The following CAMK1G variants were observed in gnomAD, a reference collection of about 807,000 sequenced individuals.
CAMK1G encodes the protein calcium/calmodulin dependent protein kinase IG.
CAMK1G carries 27 observed loss-of-function variants against 54.8 expected under a neutral mutation model. The observed-to-expected ratio is 0.49, with a 90% CI of 0.36 to 0.68. The LOEUF (loss-of-function observed/expected upper bound fraction) is 0.68, where lower values mean the gene tolerates loss of function less well. CAMK1G is among the 30% of genes least tolerant of loss of function. CAMK1G has a pLI of 0.00. For synonymous variants in CAMK1G, 238 were observed against 224.9 expected (o/e 1.06, Z -0.52); for missense variants, 512 against 591.0 (o/e 0.87, Z 1.39).
intron 1 of CAMK1G, among the ~76,000 whole-genome samples, 192 bp from the exon 2 acceptor site, chr1:209,594,763 A>C (rs1665338879): frequency 6.6e-6 from 1 of 152,206 alleles, no homozygotes; most frequent in Non-Finnish European, 1.5e-5. Flanking sequence ...GCATTCCATG[A>C]ATTTGTCCTT....
intron 3 of CAMK1G, among the ~76,000 whole-genome samples, chr1:209,600,393 T>G (rs576811240): frequency 1.3e-5 from 2 of 152,194 alleles, no homozygotes; most frequent in East Asian, 3.9e-4. Context: ...AAAAATCAAT[T>G]GAGGGCCAAC....
rs147917102 is a variant in CAMK1G, at chr1:209,586,696, A to G, written c.-30+2924A>G. On this transcript the variant is annotated intron_variant, in intron 1 of 12. Transcript: ENST00000361322. ...TGCCCATTGAAGCATTAGCCCTCCA[A>G]AGGAATGCTGAGAAATAGAGCAGGG... is the stretch of plus-strand genomic sequence containing the variant. Among the ~76,000 whole-genome samples, 42 of 152,256 alleles carry G rather than the reference A, an allele frequency of 2.8e-4. 1 individual carries two copies. The highest frequency in any genetic ancestry group is 9.4e-4 in the African/African-American group (39 of 41,586).
chr1:209,612,715 C>A, intron 11 of CAMK1G, 70 bp from the exon 12 acceptor site: 1 of 1,309,972 alleles, frequency 7.6e-7, no homozygotes, highest in Non-Finnish European at 1.1e-6. Context: ...AGAACTACCA[C>A]CTCTGCCCTG....
At chr1:209,593,759 T>TG (rs753224543) in intron 1 of CAMK1G, among the ~76,000 whole-genome samples, 1 of 151,750 alleles carries the variant, frequency 6.6e-6, no homozygotes, top group Non-Finnish European at 1.5e-5. Context: ...TCTCTTCACA[T>TG]CTCTCTCCCT....
intron 2 of CAMK1G, among the ~76,000 whole-genome samples, chr1:209,597,207 G>T (rs1303371369): frequency 6.6e-6 from 1 of 152,168 alleles, no homozygotes; most frequent in East Asian, 1.9e-4. Context: ...GTCTGCTCGG[G>T]CAGGAAATAT....
chr1:209,606,466 G>T (rs781164163), intron 6 of CAMK1G, 23 bp downstream of exon 6: 2 of 1,610,380 alleles, frequency 1.2e-6, no homozygotes, highest in East Asian at 2.2e-5. Flanking sequence ...GCAGGAGGAA[G>T]GTTGACCAGT....
rs777212544 is a variant in CAMK1G, at chr1:209,612,094, G to A, written c.1218G>A (p.Met406Ile). 2.4e-5 allele frequency: 38 copies of A among 1,614,076 alleles called. No individual in the cohort carries two copies. The highest frequency in any genetic ancestry group is 3.1e-5 in the Non-Finnish European group (36 of 1,180,002). Residue 406 changes from methionine (M) to isoleucine (I), a missense_variant, in exon 11 of 13, where the codon ATG becomes ATA. Met to Ile is a conservative substitution (Grantham distance 10, BLOSUM62 1). Transcript: ENST00000361322. ...SLHISSSLVP[M>I]HQGSLAAGPC... The stretch of plus-strand genomic sequence containing the variant: ...ACATCAGCAGCAGCCTGGTGCCCAT[G>A]CATCAGGGGTCCCTGGCCGCCGGGC...
intron 1 of CAMK1G, chr1:209,584,072 C>G (rs1665030770): frequency 6.6e-6 from 1 of 152,198 alleles, no homozygotes; most frequent in African/African-American, 2.4e-5. Flanking sequence ...CTTCATGTGC[C>G]CCTCCTGCAA....
intron 1 of CAMK1G, among the ~76,000 whole-genome samples, chr1:209,589,194 G>A (rs1665183856): frequency 6.6e-6 from 1 of 152,232 alleles, no homozygotes; most frequent in Non-Finnish European, 1.5e-5. Context: ...GCTCACCTAA[G>A]AGAGAGTGAC....
intron 4 of CAMK1G, among the ~76,000 whole-genome samples, chr1:209,604,085 C>G (rs1665590297): frequency 6.6e-6 from 1 of 152,204 alleles, no homozygotes; most frequent in Non-Finnish European, 1.5e-5. Context: ...CACTCACACA[C>G]CACTCTGCAA....
intron 1 of CAMK1G, among the ~76,000 whole-genome samples, chr1:209,591,734 G>T (rs961755863): frequency 6.6e-6 from 1 of 152,176 alleles, no homozygotes; most frequent in Non-Finnish European, 1.5e-5. Context: ...AGGGACCCTG[G>T]ATTCCACAGT....
At chr1:209,590,820 A>G (rs998270619) in intron 1 of CAMK1G, among the ~76,000 whole-genome samples, 3 of 152,076 alleles carry the variant, frequency 2.0e-5, no homozygotes, top group Non-Finnish European at 4.4e-5. Context: ...TACATTCAAG[A>G]CTTACCAGCA....
intron 2 of CAMK1G, among the ~76,000 whole-genome samples, chr1:209,595,810 G>A (rs1003135347): frequency 2.1e-4 from 32 of 152,262 alleles, no homozygotes; most frequent in African/African-American, 7.2e-4. Context: ...CAGCCTGCAG[G>A]GTGTCTGAAC....
chr1:209,591,962 G>A (rs540742771), intron 1 of CAMK1G, among the ~76,000 whole-genome samples: 1 of 152,266 alleles, frequency 6.6e-6, no homozygotes, highest in African/African-American at 2.4e-5. Context: ...ACAATGAGCT[G>A]GTAAATGTTT....
At chr1:209,603,456 G>A (rs906086171) in intron 4 of CAMK1G, among the ~76,000 whole-genome samples, 168 bp downstream of exon 4, 4 of 152,048 alleles carry the variant, frequency 2.6e-5, no homozygotes, top group Non-Finnish European at 5.9e-5. Context: ...GTGTGCCTCT[G>A]GTCATGGGCA....
intron 1 of CAMK1G, among the ~76,000 whole-genome samples, chr1:209,585,752 A>C (rs1665081127): frequency 6.6e-6 from 1 of 152,174 alleles, no homozygotes; most frequent in African/African-American, 2.4e-5. Context: ...CCCCATACAC[A>C]CGCACACAGG....
rs1665721734 is a variant in CAMK1G at position 209,609,205 on chromosome 1, AC to A, written c.748+114del. On this transcript the variant is annotated intron_variant, in intron 8 of 12. Transcript: ENST00000361322. ...GCTCTTCAAAGTCCCTGGGGATCTTACAGAACAGGCTGCCAAGGAAAGTGGA... is the reference window on the plus strand; with the variant it reads ...GCTCTTCAAAGTCCCTGGGGATCTTAAGAACAGGCTGCCAAGGAAAGTGGA... 9.7e-6 allele frequency: 12 copies of A among 1,238,920 alleles called. No individual in the cohort carries two copies. The South Asian group carries it at 1.6e-4, about 17-fold the overall frequency. The allele number at this position is 1,238,920 out of a possible 1,614,324, so 76.7% of individuals were successfully genotyped here.
chr1:209,591,900 CCCAG>C (rs1237393080), intron 1 of CAMK1G, among the ~76,000 whole-genome samples: 1 of 152,150 alleles, frequency 6.6e-6, no homozygotes, highest in East Asian at 1.9e-4. Flanking sequence ...TCTCACCAAC[CCCAG>C]CCAGCTGGCC....
At chr1:209,589,016 T>TA (rs1437988913) in intron 1 of CAMK1G, among the ~76,000 whole-genome samples, 3 of 152,042 alleles carry the variant, frequency 2.0e-5, no homozygotes, top group Non-Finnish European at 4.4e-5. Flanking sequence ...ATCCAAAAAA[T>TA]ACAATTGAGC....
Sources: gnomAD v4.1 joint callset for allele counts (sites outside exome capture counted in the v4.1 genomes callset) on GRCh38, gnomAD v4.1.1 for gene constraint, MANE v1.5 for transcripts, NCBI Gene and HGNC (gene_info 2026-07-23, HGNC 2026-07-21) for gene names.